FAM169A: variants seen among roughly 807,000 people sequenced by gnomAD.
The protein encoded by FAM169A is soluble lamin-associated protein of 75 kDa.
In FAM169A, 24 loss-of-function variants were observed where a neutral mutation model predicts 75.7. The ratio of observed to expected loss-of-function variants is 0.32; its 90% CI spans 0.23 to 0.45. FAM169A has a LOEUF of 0.45. Among genes scored for constraint, FAM169A ranks in the 20% least tolerant of loss-of-function variants. The probability of loss-of-function intolerance (pLI) is 1.00; values close to 1 mark genes in which losing one functional copy is unlikely to be tolerated. For missense variants in FAM169A, 673 were observed against 784.0 expected, an observed-to-expected ratio of 0.86 and a Z score of 1.69; for synonymous variants, 271 against 271.0, an observed-to-expected ratio of 1.00 and a Z score of 0.00.
intron 1 of FAM169A, chr5:74,865,561 T>G (rs1750278440): frequency 6.6e-6 from 1 of 152,354 alleles, no homozygotes; most frequent in Non-Finnish European, 1.5e-5. Flanking sequence ...CACAGGCCTC[T>G]TGAAAAATGG....
At chr5:74,830,447 T>TCCC (rs1469151193) in intron 5 of FAM169A, among the ~76,000 whole-genome samples, 1 of 152,082 alleles carries the variant, frequency 6.6e-6, no homozygotes, top group Non-Finnish European at 1.5e-5. Flanking sequence ...TGTGCTCTAA[T>TCCC]CCCACTAAGC....
intron 11 of FAM169A, among the ~76,000 whole-genome samples, chr5:74,783,412 G>A (rs1410153011): frequency 6.6e-6 from 1 of 152,188 alleles, no homozygotes; most frequent in East Asian, 1.9e-4. Flanking sequence ...GTATGGGTCG[G>A]AGATTCAATG....
At chr5:74,806,780 G>A (rs1261269879) in intron 6 of FAM169A, among the ~76,000 whole-genome samples, 1 of 152,092 alleles carries the variant, frequency 6.6e-6, no homozygotes, top group African/African-American at 2.4e-5. Context: ...TTAGTACTCA[G>A]AATATATAAA....
At position 74,779,355 on chromosome 5, in the gene FAM169A, A is replaced by G. The variant is rs1344654332; in HGVS notation, c.*2105T>C. ...ATACTAAAATTAGAACAATACAGGG[A>G]AAATTAGCATGGCCCCTGTGCAAGG... On this transcript the variant is annotated 3_prime_UTR_variant, in exon 13 of 13. Transcript: ENST00000687041. 2.0e-5 allele frequency: 3 copies of G among 152,170 alleles called. No homozygotes were observed. Among genetic ancestry groups the G allele is most frequent in the Admixed American group, 6.5e-5 (1 of 15,278 alleles). 9.4% of individuals were successfully genotyped at this position (152,170 alleles called of 1,614,324 possible).
intron 1 of FAM169A, among the ~76,000 whole-genome samples, chr5:74,852,118 G>A (rs758725007): frequency 2.3e-4 from 35 of 152,086 alleles, no homozygotes; most frequent in Admixed American, 3.3e-4. Flanking sequence ...TACCATTTGC[G>A]AAATATTCTG....
chr5:74,797,468 T>C (rs748433997), intron 10 of FAM169A, among the ~76,000 whole-genome samples: 1 of 152,206 alleles, frequency 6.6e-6, no homozygotes, highest in Non-Finnish European at 1.5e-5. Flanking sequence ...TGAGCCACCG[T>C]GCCCAGCCTA....
chr5:74,782,513 A>G (rs938582992), intron 12 of FAM169A, among the ~76,000 whole-genome samples: 2 of 152,260 alleles, frequency 1.3e-5, no homozygotes, highest in Non-Finnish European at 2.9e-5. Context: ...ATTCAAAAGT[A>G]ACAAAATTAA....
intron 1 of FAM169A, among the ~76,000 whole-genome samples, chr5:74,847,641 T>C (rs1580161629): frequency 6.6e-6 from 1 of 152,290 alleles, no homozygotes; most frequent in Admixed American, 6.5e-5. Flanking sequence ...CTGAATATAA[T>C]CTAAAAATAT....
At chr5:74,819,027 G>C (rs1340680495) in intron 5 of FAM169A, among the ~76,000 whole-genome samples, 1 of 151,866 alleles carries the variant, frequency 6.6e-6, no homozygotes, top group East Asian at 1.9e-4. Flanking sequence ...CAAGACCGGC[G>C]TGGCCAACAT....
At position 74,799,134 on chromosome 5, in the gene FAM169A, A is replaced by T. The variant is rs565664504; in HGVS notation, c.1103+1746T>A. ...GGCGCCAGTGTGTGAAAGCTCACGA[A>T]CTCAAGGAGCACAATGGACACATCA... On this transcript the variant is annotated intron_variant, in intron 10 of 12. Transcript: ENST00000687041. 2.8e-5 allele frequency: 28 copies of T among 1,013,934 alleles called. No individual in the cohort carries two copies. The Admixed American group carries it at 4.7e-4, about 17-fold the overall frequency. The allele number at this position is 1,013,934 out of a possible 1,614,324, so 62.8% of individuals were successfully genotyped here. A position where few individuals can be genotyped will look rare whatever the true frequency, so the allele number is the denominator to read the frequency against.
chr5:74,789,131 T>C (rs1745845776), intron 11 of FAM169A, among the ~76,000 whole-genome samples: 2 of 152,246 alleles, frequency 1.3e-5, no homozygotes, highest in Admixed American at 1.3e-4. Context: ...TGTCATAACC[T>C]TGTTCAAAGA....
At chr5:74,809,027 C>T (rs1747031017) in intron 6 of FAM169A, among the ~76,000 whole-genome samples, 2 of 151,822 alleles carry the variant, frequency 1.3e-5, no homozygotes, top group Non-Finnish European at 2.9e-5. Context: ...TGGAGAAAAC[C>T]AACACAACAG....
chr5:74,856,056 T>C (rs944135927), intron 1 of FAM169A, among the ~76,000 whole-genome samples: 1 of 152,244 alleles, frequency 6.6e-6, no homozygotes, highest in Non-Finnish European at 1.5e-5. Context: ...CCCCAGTGTA[T>C]GTTCATGTTA....
intron 5 of FAM169A, among the ~76,000 whole-genome samples, chr5:74,828,601 G>A (rs553513076): frequency 1.3e-5 from 2 of 152,224 alleles, no homozygotes; most frequent in South Asian, 4.2e-4. Context: ...CCTTTTCTAA[G>A]GCTCCACCTC....
chr5:74,801,777 T>A, intron 8 of FAM169A, 148 bp from the exon 9 acceptor site: 2 of 652,106 alleles, frequency 3.1e-6, no homozygotes, highest in Non-Finnish European at 5.4e-6. Flanking sequence ...AATAAAAAGG[T>A]TATAGTTCAG....
intron 1 of FAM169A, among the ~76,000 whole-genome samples, chr5:74,843,877 T>C (rs997127863): frequency 1.3e-5 from 2 of 152,228 alleles, no homozygotes; most frequent in Non-Finnish European, 2.9e-5. Flanking sequence ...GTTAGGTCTA[T>C]ATACCCAGGC....
intron 5 of FAM169A, among the ~76,000 whole-genome samples, chr5:74,818,690 GGA>G (rs1338199763): frequency 1.3e-5 from 2 of 148,816 alleles, no homozygotes; most frequent in Non-Finnish European, 3.0e-5. Flanking sequence ...GGAACAAATG[GGA>G]GAGAGGAATA....
At chr5:74,821,907 G>A (rs774601194) in intron 5 of FAM169A, among the ~76,000 whole-genome samples, 2 of 152,220 alleles carry the variant, frequency 1.3e-5, no homozygotes, top group Non-Finnish European at 2.9e-5. Context: ...GGGACAGTCT[G>A]TAGTGGCTGC....
intron 1 of FAM169A, among the ~76,000 whole-genome samples, chr5:74,863,823 GA>G (rs1398537860): frequency 6.6e-6 from 1 of 151,728 alleles, no homozygotes; most frequent in Non-Finnish European, 1.5e-5. Flanking sequence ...TATAATAACA[GA>G]ATCAATGTAA....
Sources: allele counts gnomAD v4.1 joint callset (sites outside exome capture counted in the v4.1 genomes callset), GRCh38; gene constraint gnomAD v4.1.1; transcripts MANE v1.5; gene names NCBI Gene and HGNC (gene_info 2026-07-23, HGNC 2026-07-21).